PCNT: variants seen among roughly 807,000 people sequenced by gnomAD.
PCNT encodes kendrin.
A neutral mutation model predicts 380.4 loss-of-function variants in PCNT; 319 were observed. The ratio of observed to expected loss-of-function variants is 0.84; its 90% CI spans 0.77 to 0.92. The LOEUF is 0.92. PCNT is among the 40% of genes least tolerant of loss of function. The pLI is 0.00. For missense variants in PCNT, 4,400 were observed against 4,255.3 expected (o/e 1.03, Z -0.95); for synonymous variants, 1,845 against 1,735.2 (o/e 1.06, Z -1.57).
In PCNT at chr21:46,374,808, C is replaced by T. The variant is rs1032142557; in HGVS notation, c.3166-6886C>T. On this transcript the variant is annotated intron_variant, in intron 15 of 46. Transcript: ENST00000359568. The stretch of plus-strand genomic sequence containing the variant: ...AGGTTGTGGTGAGCCAAGATCGTGC[C>T]GTTGCACTCCAGCCTGGGCAACAAG... 5.0e-5 allele frequency among the ~76,000 whole-genome samples: 7 copies of T among 139,800 alleles called. No individual in the cohort carries two copies. In the East Asian group the frequency reaches 8.2e-4, roughly 16 times the overall value. The allele number at this position is 139,800 out of a possible 152,430, so 91.7% of individuals were successfully genotyped here.
At chr21:46,367,631 T>A (rs919695745) in intron 15 of PCNT, among the ~76,000 whole-genome samples, 1 of 152,030 alleles carries the variant, frequency 6.6e-6, no homozygotes, top group Admixed American at 6.6e-5. Context: ...AAACACTGAG[T>A]TGAAGGGTTA....
Position 46,363,510 on chromosome 21 carries a change from A to C in PCNT, c.2185A>C (p.Lys729Gln). The C allele has an allele frequency of 6.2e-7, 1 of 1,613,954 alleles. No individual in the cohort carries two copies. Among genetic ancestry groups the C allele is most frequent in the East Asian group, 2.2e-5 (1 of 44,872 alleles). Reference sequence around the variant, plus strand: ...ACACAATCTAATTGAAGACCACCAGAAGGAACTAAATAATGCTAAGCAAAA... The same window carrying C: ...ACACAATCTAATTGAAGACCACCAGCAGGAACTAAATAATGCTAAGCAAAA... ...VKHNLIEDHQKELNNAKQKTE... is the reference protein window; with the variant it reads ...VKHNLIEDHQQELNNAKQKTE... Residue 729 changes from lysine to glutamine, a missense_variant, in exon 14 of 47, where the codon AAG becomes CAG. Transcript: ENST00000359568.
rs530170811 is a variant in PCNT, at chr21:46,383,697, G to T, written c.3312+1857G>T. Among the ~76,000 whole-genome samples, 39 of 147,014 alleles carry T rather than the reference G, an allele frequency of 2.7e-4. 2 individuals carry two copies. The South Asian group carries it at 8.9e-3, about 34-fold the overall frequency. The stretch of plus-strand genomic sequence containing the variant: ...TCACAGTGTTGTGTATTCAGTGGCG[G>T]AAGCGCATTCACAGTGTTGTATATT... On this transcript the variant is annotated intron_variant, in intron 16 of 46. Coordinates refer to ENST00000359568, the MANE Select transcript of PCNT (RefSeq NM_006031.6).
intron 44 of PCNT, 110 bp from the exon 45 acceptor site, chr21:46,443,700 C>A: frequency 9.8e-7 from 1 of 1,025,428 alleles, no homozygotes; most frequent in South Asian, 1.3e-5. Context: ...TTAAAATTGC[C>A]ATACAGGCTC....
Position 46,425,116 on chromosome 21 carries a change from G to A in PCNT, c.7180-715G>A, listed in dbSNP as rs560944538. On this transcript the variant is annotated intron_variant, in intron 32 of 46. Transcript: ENST00000359568. This position sits in a 1 kb window ranked among gnomAD's most constrained non-coding sequence, Gnocchi z 4.2. ...GGTGTGTGCTCATGTGGTGGTGACC[G>A]CGCTGAGCCTCTGGGCTCTGGGCTC... 2.0e-5 allele frequency among the ~76,000 whole-genome samples: 3 copies of A among 152,220 alleles called. No individual in the cohort carries two copies. The highest frequency in any genetic ancestry group is 1.9e-4 in the East Asian group (1 of 5,168).
chr21:46,355,661 G>A (rs776309914), intron 12 of PCNT, 35 bp downstream of exon 12: 1 of 1,610,420 alleles, frequency 6.2e-7, no homozygotes, highest in Non-Finnish European at 8.5e-7. Context: ...GTGTCGGCAG[G>A]TCCCGGGTCT....
chr21:46,399,232 C>T (rs555731506), intron 24 of PCNT, among the ~76,000 whole-genome samples: 1 of 152,264 alleles, frequency 6.6e-6, no homozygotes, highest in Non-Finnish European at 1.5e-5. Flanking sequence ...GATCTCTGTT[C>T]AGCCTCTGGG....
At chr21:46,404,099 C>T (rs7284026) in intron 27 of PCNT, among the ~76,000 whole-genome samples, 833 of 71,616 alleles carry the variant, frequency 0.012, 18 homozygotes, top group Middle Eastern at 0.016. Flanking sequence ...GGTGCCCACG[C>T]GGCGCGTGCT....
intron 27 of PCNT, among the ~76,000 whole-genome samples, chr21:46,404,752 C>A (rs1446315824): frequency 6.6e-6 from 1 of 152,058 alleles, no homozygotes; most frequent in African/African-American, 2.4e-5. Flanking sequence ...GAGTTCGAGA[C>A]CAGCCTAAAC....
intron 15 of PCNT, among the ~76,000 whole-genome samples, chr21:46,370,764 G>A (rs1050703919): frequency 3.9e-5 from 6 of 152,260 alleles, no homozygotes; most frequent in African/African-American, 1.4e-4. Flanking sequence ...GGCCGGGCGC[G>A]GTGGCTCACG....
At chr21:46,337,317 T>C (rs1281216742) in intron 3 of PCNT, among the ~76,000 whole-genome samples, 1 of 152,124 alleles carries the variant, frequency 6.6e-6, no homozygotes, top group Non-Finnish European at 1.5e-5. Context: ...TGTAAGTGTA[T>C]AATAGTTTCA....
intron 29 of PCNT, among the ~76,000 whole-genome samples, chr21:46,414,794 T>C (rs935253165): frequency 8.0e-5 from 11 of 137,936 alleles, no homozygotes; most frequent in Non-Finnish European, 1.5e-4. Flanking sequence ...CCGCCCACTC[T>C]CCTCCTCCTG....
chr21:46,354,060 C>T lies in PCNT; in HGVS notation c.1753C>T (p.Arg585Ter), dbSNP rs1360157605. 4.3e-6 allele frequency: 7 copies of T among 1,613,802 alleles called. No homozygotes were observed. Among genetic ancestry groups the T allele is most frequent in the Admixed American group, 3.3e-5 (2 of 60,000 alleles). Residue 585 changes from arginine (R) to a stop codon, truncating the protein, a stop_gained, in exon 11 of 47, where the codon CGA becomes TGA. Coordinates refer to ENST00000359568, the MANE Select transcript of PCNT (RefSeq NM_006031.6). LOFTEE classifies it high-confidence loss of function. ...KDHVDELEPE[R>*]HKESLPRFQA... ...TCACGTTGATGAACTCGAGCCTGAG[C>T]GACATAAGGTAATTGGCCGCGCGCT... is the stretch of plus-strand genomic sequence containing the variant.
At chr21:46,384,715 C>T (rs995487692) in intron 16 of PCNT, among the ~76,000 whole-genome samples, 3 of 141,138 alleles carry the variant, frequency 2.1e-5, no homozygotes, top group Non-Finnish European at 3.2e-5. Context: ...CGTTGAGCGG[C>T]GGAAACACAT....
intron 13 of PCNT, among the ~76,000 whole-genome samples, chr21:46,357,993 G>A (rs935610947): frequency 1.3e-5 from 2 of 152,250 alleles, no homozygotes; most frequent in African/African-American, 4.8e-5. Context: ...CCTCCACATG[G>A]CCCGATGGGC....
chr21:46,370,421 C>G (rs1470496376), intron 15 of PCNT, among the ~76,000 whole-genome samples: 1 of 151,566 alleles, frequency 6.6e-6, no homozygotes, highest in Admixed American at 6.6e-5. Context: ...TGGGGCTCAT[C>G]CTGGGTGTCG....
At chr21:46,352,618 G>T (rs917170777) in intron 9 of PCNT, among the ~76,000 whole-genome samples, 4 of 152,170 alleles carry the variant, frequency 2.6e-5, no homozygotes, top group Non-Finnish European at 5.9e-5. Flanking sequence ...TTGCTTCTCT[G>T]CTGCTGTGTA....
chr21:46,369,662 T>C (rs2085049067), intron 15 of PCNT, among the ~76,000 whole-genome samples: 1 of 152,226 alleles, frequency 6.6e-6, no homozygotes, highest in Non-Finnish European at 1.5e-5. Flanking sequence ...ATGAAGTGTG[T>C]GTTTCAAACC....
intron 27 of PCNT, among the ~76,000 whole-genome samples, chr21:46,406,918 G>A (rs1177425655): frequency 6.6e-6 from 1 of 152,196 alleles, no homozygotes; most frequent in Non-Finnish European, 1.5e-5. Flanking sequence ...TGGTAGTGAT[G>A]TACTGCCCTT....
Sources: allele counts gnomAD v4.1 joint callset (sites outside exome capture counted in the v4.1 genomes callset), GRCh38; gene constraint gnomAD v4.1.1; non-coding constraint Gnocchi (gnomAD v3.1); transcripts MANE v1.5; gene names NCBI Gene and HGNC (gene_info 2026-07-23, HGNC 2026-07-21).